NID2: variants seen among roughly 807,000 people sequenced by gnomAD.
The protein encoded by NID2 is nidogen-2.
In NID2, 83 loss-of-function variants were observed where a neutral mutation model predicts 145.4. The observed-to-expected ratio is 0.57, with a 90% CI of 0.48 to 0.69. The LOEUF (loss-of-function observed/expected upper bound fraction) is 0.69. NID2 is among the 30% of genes least tolerant of loss of function. NID2 has a pLI of 0.00. For synonymous variants in NID2, 739 were observed against 701.3 expected (o/e 1.05, Z -0.85); for missense variants, 1,807 against 1,765.7 (o/e 1.02, Z -0.42).
At chr14:52,058,625 C>T (rs971318423) in intron 3 of NID2, among the ~76,000 whole-genome samples, 3 of 152,098 alleles carry the variant, frequency 2.0e-5, no homozygotes, top group Non-Finnish European at 4.4e-5. Context: ...TGGCTCTGCT[C>T]AGGGAACACA....
chr14:52,039,953 GTT>G (rs1892216212), intron 8 of NID2, among the ~76,000 whole-genome samples: 1 of 151,974 alleles, frequency 6.6e-6, no homozygotes, highest in South Asian at 2.1e-4. Context: ...TTTTGGTTTT[GTT>G]TTTGAGATGG....
intron 14 of NID2, 90 bp downstream of exon 14, chr14:52,018,971 C>A: frequency 1.1e-6 from 1 of 890,900 alleles, no homozygotes; most frequent in Non-Finnish European, 1.8e-6. Flanking sequence ...AGGATGGTGA[C>A]TGGCCCCGTG....
At chr14:52,065,609 G>T (rs1022678435) in intron 2 of NID2, among the ~76,000 whole-genome samples, 2 of 123,200 alleles carry the variant, frequency 1.6e-5, no homozygotes, top group African/African-American at 6.5e-5. Flanking sequence ...ACCCACTAAC[G>T]TGTCATCTAG....
At chr14:52,047,135 A>C (rs1182228269) in intron 5 of NID2, among the ~76,000 whole-genome samples, 1 of 152,186 alleles carries the variant, frequency 6.6e-6, no homozygotes, top group African/African-American at 2.4e-5. Flanking sequence ...AGCAAAAGAG[A>C]CAAAAATTCA....
Position 52,042,841 on chromosome 14 carries a change from C to G in NID2, c.1520G>C (p.Gly507Ala). Residue 507 changes from glycine to alanine, a missense_variant, in exon 6 of 22, where the codon GGC becomes GCC. Transcript: ENST00000216286. Reference sequence around the variant, plus strand: ...CTTGGATTGGCAGTGGCAGCAGAAGCCAGTGGCATAGTCCGTGCAGAAGGC... The same window carrying G: ...CTTGGATTGGCAGTGGCAGCAGAAGGCAGTGGCATAGTCCGTGCAGAAGGC... ...RHAFCTDYAT[G>A]FCCHCQSKFY... is the part of the protein sequence containing the mutation. 1 of 1,614,222 alleles carries G rather than the reference C, an allele frequency of 6.2e-7. No individual in the cohort carries two copies. Among genetic ancestry groups the G allele is most frequent in the Non-Finnish European group, 8.5e-7 (1 of 1,180,032 alleles).
chr14:52,011,730 C>T (rs778924737), intron 16 of NID2, 47 bp from the exon 17 acceptor site: 1 of 1,609,520 alleles, frequency 6.2e-7, no homozygotes, highest in East Asian at 2.2e-5. Context: ...TTACATTTCC[C>T]CTTTGTTCAC....
intron 2 of NID2, among the ~76,000 whole-genome samples, chr14:52,063,205 T>C (rs1390964): frequency 0.22 from 32,948 of 152,148 alleles, 5,144 homozygotes; most frequent in East Asian, 0.5. Context: ...AGATACAAGC[T>C]TTTGCAAGAG....
At chr14:52,012,190 A>AT (rs1348618922) in intron 16 of NID2, among the ~76,000 whole-genome samples, 2 of 152,336 alleles carry the variant, frequency 1.3e-5, no homozygotes, top group Non-Finnish European at 2.9e-5. Flanking sequence ...TTGCCACTAT[A>AT]TGCCAACAAA....
chr14:52,024,864 C>G (rs909883463), intron 12 of NID2, among the ~76,000 whole-genome samples: 1 of 151,928 alleles, frequency 6.6e-6, no homozygotes, highest in Non-Finnish European at 1.5e-5. Flanking sequence ...AGAAGGTAAT[C>G]AAAGTCTTGC....
chr14:52,064,400 A>T (rs1374977064), intron 2 of NID2, among the ~76,000 whole-genome samples: 2 of 152,248 alleles, frequency 1.3e-5, no homozygotes, highest in Non-Finnish European at 2.9e-5. Flanking sequence ...GCAGAGTGCC[A>T]GGGTACTTAC....
Position 52,020,015 on chromosome 14 carries a change from G to A in NID2, c.2794+44C>T, listed in dbSNP as rs573474605. ...CTGTCATAGAAAAATATCCTTGAAG[G>A]AGCTAAGAGATTCATGTGCCTAATC... On this transcript the variant is annotated intron_variant, in intron 13 of 21. Transcript: ENST00000216286. The A allele has an allele frequency of 6.2e-6, 10 of 1,608,520 alleles. 1 individual carries two copies. The South Asian group carries it at 1.1e-4, about 18-fold the overall frequency.
chr14:52,027,254 G>T lies in NID2; in HGVS notation c.2621C>A (p.Thr874Lys). ...ACCAGGCAGGCAGGCACAGCTGAACGTGCTGCCTCCATGGTGAACACACCG... is the reference window on the plus strand; with the variant it reads ...ACCAGGCAGGCAGGCACAGCTGAACTTGCTGCCTCCATGGTGAACACACCG... ...QARCVHHGGSTFSCACLPGYA... is the reference protein window; with the variant it reads ...QARCVHHGGSKFSCACLPGYA... The change falls in exon 12 of 22, where the codon ACG becomes AAG. Residue 874 changes from threonine to lysine, a missense_variant. Thr to Lys is a moderately conservative substitution (Grantham distance 78). Transcript: ENST00000216286. 6.3e-7 allele frequency: 1 copy of T among 1,590,990 alleles called. No homozygotes were observed. The highest frequency in any genetic ancestry group is 1.1e-5 in the South Asian group (1 of 88,236).
chr14:52,017,291 C>G lies in NID2; in HGVS notation c.3028+1770G>C, dbSNP rs559102075. Among the ~76,000 whole-genome samples the G allele has an allele frequency of 7.2e-5, 11 of 152,152 alleles. 1 individual carries two copies. Among genetic ancestry groups the G allele is most frequent in the African/African-American group, 2.7e-4 (11 of 41,424 alleles). On this transcript the variant is annotated intron_variant, in intron 14 of 21. Transcript: ENST00000216286. ...TCGTTACTATTTGCTACTTTTCAAC[C>G]CAACCATGAATTTCTTTCTCTTGTG...
intron 5 of NID2, among the ~76,000 whole-genome samples, chr14:52,048,343 G>A (rs1413823128): frequency 6.6e-6 from 1 of 152,190 alleles, no homozygotes; most frequent in Non-Finnish European, 1.5e-5. Flanking sequence ...CTGAGCCCAC[G>A]TGCAGCTATT....
intron 18 of NID2, chr14:52,008,417 C>T (rs1034906491): frequency 5.2e-5 from 8 of 153,636 alleles, no homozygotes; most frequent in Admixed American, 5.2e-4. Flanking sequence ...TTGTGAGAGA[C>T]TCCATGCCTG....
At chr14:52,025,506 T>A (rs2140369747) in intron 12 of NID2, among the ~76,000 whole-genome samples, 1 of 152,338 alleles carries the variant, frequency 6.6e-6, no homozygotes, top group South Asian at 2.1e-4. Context: ...CTGTTGTTTA[T>A]AATAGAATAT....
intron 19 of NID2, chr14:52,006,902 G>A (rs545906336): frequency 9.5e-5 from 32 of 336,336 alleles, no homozygotes; most frequent in Non-Finnish European, 1.7e-4. Flanking sequence ...GTAAGTTTCT[G>A]CCAAAGTAGG....
chr14:52,027,427 C>T, intron 11 of NID2, 83 bp from the exon 12 acceptor site: 1 of 1,216,088 alleles, frequency 8.2e-7, no homozygotes, highest in Non-Finnish European at 1.1e-6. Context: ...ATCCACAGAC[C>T]AACAGCAACA....
chr14:52,020,091 C>G lies in NID2; in HGVS notation c.2762G>C (p.Gly921Ala), dbSNP rs770903437. Residue 921 changes from glycine (G) to alanine (A), a missense_variant, in exon 13 of 22, where the codon GGA becomes GCA. Gly to Ala is a moderately conservative substitution (Grantham distance 60, BLOSUM62 0). Transcript: ENST00000216286. ...PGSFSCRCQP[G>A]YYGDGFQCIP... is the part of the protein sequence containing the mutation. ...GCACTGAAATCCATCCCCATAATAT[C>G]CGGGTTGACAACGGCAGGAGAAGGA... is the stretch of plus-strand genomic sequence containing the variant. 2.5e-6 allele frequency: 4 copies of G among 1,614,070 alleles called. No individual in the cohort carries two copies. In the Admixed American group the frequency reaches 6.7e-5, roughly 27 times the overall value.
Sources: gnomAD v4.1 joint callset for allele counts (sites outside exome capture counted in the v4.1 genomes callset) on GRCh38, gnomAD v4.1.1 for gene constraint, MANE v1.5 for transcripts, NCBI Gene and HGNC (gene_info 2026-07-23, HGNC 2026-07-21) for gene names.